Variants in CBL observed in about 807,000 individuals in gnomAD.
CBL encodes E3 ubiquitin-protein ligase CBL.
CBL carries 45 observed loss-of-function variants against 96.9 expected under a neutral mutation model. The observed-to-expected ratio is 0.46, with a 90% CI of 0.37 to 0.60. CBL has a LOEUF of 0.60. CBL is among the 20% of genes least tolerant of loss of function. CBL has a pLI of 0.00. For missense variants in CBL, 1,024 were observed against 1,143.5 expected, an observed-to-expected ratio of 0.90 and a Z score of 1.51; for synonymous variants, 420 against 426.8, an observed-to-expected ratio of 0.98 and a Z score of 0.20.
At chr11:119,233,818 C>T (rs1441498786) in intron 2 of CBL, among the ~76,000 whole-genome samples, 1 of 152,146 alleles carries the variant, frequency 6.6e-6, no homozygotes, top group Non-Finnish European at 1.5e-5. Flanking sequence ...CTAGCAGTAA[C>T]ATACTAAATG....
intron 1 of CBL, among the ~76,000 whole-genome samples, chr11:119,221,810 ACTT>A (rs1196669543): frequency 1.3e-5 from 2 of 152,204 alleles, no homozygotes; most frequent in Non-Finnish European, 1.5e-5. Flanking sequence ...TACCTGTTAA[ACTT>A]CTTCAAGTTT....
chr11:119,249,335 C>T (rs1447152650), intron 2 of CBL, among the ~76,000 whole-genome samples: 1 of 152,132 alleles, frequency 6.6e-6, no homozygotes, highest in Non-Finnish European at 1.5e-5. Flanking sequence ...CAGGGCAGAA[C>T]ACTTGAAGTC....
intron 9 of CBL, among the ~76,000 whole-genome samples, chr11:119,281,596 A>G (rs1278655098): frequency 3.4e-5 from 5 of 149,062 alleles, no homozygotes; most frequent in African/African-American, 1.2e-4. Context: ...CCGGGTTCAC[A>G]CCATTCTCCT....
chr11:119,241,261 G>A (rs1358258093), intron 2 of CBL, among the ~76,000 whole-genome samples: 1 of 152,062 alleles, frequency 6.6e-6, no homozygotes, highest in African/African-American at 2.4e-5. Flanking sequence ...TTTTGCCTTT[G>A]ATCTTTCTGG....
At position 119,305,648 on chromosome 11, in the gene CBL, T is replaced by C. The variant is rs944161560; in HGVS notation, c.*5867T>C. On this transcript the variant is annotated 3_prime_UTR_variant, in exon 16 of 16. Coordinates refer to ENST00000264033, the MANE Select transcript of CBL (RefSeq NM_005188.4). ...CAGTTGCCAGGATAGAAATTAAATA[T>C]AGATTCCAGTTTAGGATAGAGTTTT... is the stretch of plus-strand genomic sequence containing the variant. 4.5e-6 allele frequency: 1 copy of C among 224,344 alleles called. No homozygotes were observed. Among genetic ancestry groups the C allele is most frequent in the African/African-American group, 2.2e-5 (1 of 44,896 alleles). 13.9% of individuals were successfully genotyped at this position (224,344 alleles called of 1,614,324 possible). A position where few individuals can be genotyped will look rare whatever the true frequency, so the allele number is the denominator to read the frequency against.
chr11:119,233,981 A>G (rs921915315), intron 2 of CBL, among the ~76,000 whole-genome samples: 1 of 152,102 alleles, frequency 6.6e-6, no homozygotes, highest in Non-Finnish European at 1.5e-5. Context: ...CAAAATGTCC[A>G]TCTTTTCTTT....
chr11:119,279,987 G>T (rs759467978), intron 9 of CBL, among the ~76,000 whole-genome samples: 7 of 152,198 alleles, frequency 4.6e-5, no homozygotes, highest in Non-Finnish European at 8.8e-5. Flanking sequence ...AGTGAACATT[G>T]TTCCAAATTG....
At chr11:119,260,779 T>G (rs917113634) in intron 2 of CBL, among the ~76,000 whole-genome samples, 2 of 152,112 alleles carry the variant, frequency 1.3e-5, no homozygotes, top group East Asian at 1.9e-4. Flanking sequence ...CTATGCTGAT[T>G]GATCTCTCTG....
chr11:119,206,670 G>A (rs2135244361), intron 1 of CBL, 58 bp downstream of exon 1: 7 of 1,505,950 alleles, frequency 4.6e-6, no homozygotes, highest in Non-Finnish European at 6.3e-6. Context: ...AGGGCCGCGG[G>A]GAGGGGAACG....
rs202065722 is a variant in CBL, at chr11:119,285,273, C to A, written c.1648C>A (p.Arg550=). The A allele has an allele frequency of 6.2e-7, 1 of 1,614,152 alleles. No individual in the cohort carries two copies. ...TCTTCCACCACCACCGCCTCCAGAC[C>A]GGCCATATTCTGTTGGAGCAGAATC... ...RDLPPPPPPD[R]PYSVGAESRP... is the part of the protein sequence containing the mutation. Residue 550 remains arginine (R), a synonymous_variant, in exon 11 of 16, where the codon CGG becomes AGG. Coordinates refer to ENST00000264033, the MANE Select transcript of CBL (RefSeq NM_005188.4).
intron 1 of CBL, among the ~76,000 whole-genome samples, chr11:119,229,490 C>T (rs1267273050): frequency 6.6e-6 from 1 of 152,114 alleles, no homozygotes; most frequent in Non-Finnish European, 1.5e-5. Flanking sequence ...TGGCATGAGC[C>T]TTTAATCCCG....
intron 2 of CBL, among the ~76,000 whole-genome samples, chr11:119,251,284 T>C (rs1949668017): frequency 1.3e-5 from 2 of 152,242 alleles, no homozygotes; most frequent in Admixed American, 6.5e-5. Context: ...TTTTTCTCTT[T>C]AGAGTTGTGG....
chr11:119,272,975 G>GT (rs1417490176), intron 3 of CBL, among the ~76,000 whole-genome samples: 4 of 136,008 alleles, frequency 2.9e-5, no homozygotes, highest in African/African-American at 1.1e-4. Context: ...AGGTTTTGTC[G>GT]TTTTATTTTT....
intron 2 of CBL, among the ~76,000 whole-genome samples, chr11:119,264,377 C>CTTTCT (rs1281750272): frequency 6.1e-5 from 7 of 115,520 alleles, no homozygotes; most frequent in South Asian, 2.8e-4. Flanking sequence ...TTATTATGAT[C>CTTTCT]TTTCTTTTCT....
rs1950116372 is a variant in CBL at position 119,303,724 on chromosome 11, A to T, written c.*3943A>T. ...TTGGAATTTGTTCCAACATAATTAG[A>T]ATCTGTTTGGTGAGTTGAAAGGTAA... On this transcript the variant is annotated 3_prime_UTR_variant, in exon 16 of 16. Coordinates refer to ENST00000264033, the MANE Select transcript of CBL (RefSeq NM_005188.4). 1 of 233,544 alleles carries T rather than the reference A, an allele frequency of 4.3e-6. No homozygotes were observed. Among genetic ancestry groups the T allele is most frequent in the Non-Finnish European group, 8.5e-6 (1 of 118,042 alleles). The allele number at this position is 233,544 out of a possible 1,614,324, so 14.5% of individuals were successfully genotyped here.
At chr11:119,299,457 C>T (rs747274412) in intron 15 of CBL, 38 bp from the exon 16 acceptor site, 123 of 1,589,242 alleles carry the variant, frequency 7.7e-5, no homozygotes, top group Non-Finnish European at 1.0e-4. Context: ...TGAGGATTTC[C>T]CCAGATTTGC....
intron 3 of CBL, among the ~76,000 whole-genome samples, chr11:119,272,190 C>T (rs1949854406): frequency 6.6e-6 from 1 of 152,090 alleles, no homozygotes; most frequent in Non-Finnish European, 1.5e-5. Context: ...GGTGCGATCT[C>T]CACTTACTGC....
At position 119,274,814 on chromosome 11, in the gene CBL, T is replaced by C. The variant is rs1333662595; in HGVS notation, c.748-18T>C. The C allele has an allele frequency of 4.3e-6, 7 of 1,612,608 alleles. No homozygotes were observed. The highest frequency in any genetic ancestry group is 5.9e-6 in the Non-Finnish European group (7 of 1,179,116). ...TACATCTGACCTGAATAGTCTGTGA[T>C]TGATCTTGTTTCTTTAGCCCTGGTC... On this transcript the variant is annotated intron_variant, in intron 4 of 15. Transcript: ENST00000264033.
chr11:119,304,005 C>T lies in CBL; in HGVS notation c.*4224C>T, dbSNP rs1950118604. On this transcript the variant is annotated 3_prime_UTR_variant, in exon 16 of 16. Coordinates refer to ENST00000264033, the MANE Select transcript of CBL (RefSeq NM_005188.4). The stretch of plus-strand genomic sequence containing the variant: ...GAAGGGCTGGAGGTGTGGGCCCTGT[C>T]TTCGGGTCTCAGGACCCAAAGATCC... The T allele has an allele frequency of 4.3e-6, 1 of 233,556 alleles. No homozygotes were observed. Among genetic ancestry groups the T allele is most frequent in the Non-Finnish European group, 8.5e-6 (1 of 118,076 alleles). The allele number at this position is 233,556 out of a possible 1,614,324, so 14.5% of individuals were successfully genotyped here. A position where few individuals can be genotyped will look rare whatever the true frequency, so the allele number is the denominator to read the frequency against.
Sources: gnomAD v4.1 joint callset for allele counts (sites outside exome capture counted in the v4.1 genomes callset) on GRCh38, gnomAD v4.1.1 for gene constraint, MANE v1.5 for transcripts, NCBI Gene and HGNC (gene_info 2026-07-23, HGNC 2026-07-21) for gene names.